The following PLCD1 variants were observed in gnomAD, a reference collection of about 807,000 sequenced individuals.
PLCD1 encodes the protein phospholipase C delta 1, also known as 1-phosphatidylinositol 4,5-bisphosphate phosphodiesterase delta-1.
PLCD1 carries 71 observed loss-of-function variants against 87.4 expected under a neutral mutation model. That is an observed-to-expected ratio of 0.81 (90% CI 0.67 to 0.99). The LOEUF (loss-of-function observed/expected upper bound fraction) is 0.99, where lower values mean the gene tolerates loss of function less well. Ranked by LOEUF, PLCD1 falls within the 50% of genes least tolerant of loss-of-function variation. PLCD1 has a pLI of 0.00. For synonymous variants in PLCD1, 348 were observed against 399.2 expected (o/e 0.87, Z 1.53); for missense variants, 867 against 1,001.5 (o/e 0.87, Z 1.81).
intron 1 of PLCD1, chr3:38,024,796 C>A (rs915998454): frequency 1.6e-6 from 2 of 1,229,480 alleles, no homozygotes; most frequent in Admixed American, 5.4e-5. Flanking sequence ...AAAATCTGGG[C>A]TAAGGAGGGC....
rs760631515 is a variant in PLCD1, at chr3:38,008,478, G to A, written c.1882C>T (p.Arg628Trp). ...RALAQGPWWA[R>W]KRLNIRVISG... ...CGTACCCTGATGTTGAGCCGCTTCC[G>A]TGCCCACCAGGGCCCCTGAGCCAGG... The change falls in exon 12 of 15, where the codon CGG becomes TGG. Residue 628 changes from arginine to tryptophan, a missense_variant. Physicochemically the swap from Arg to Trp is moderately radical, Grantham distance 101. Transcript: ENST00000334661. The A allele has an allele frequency of 3.8e-5, 62 of 1,614,188 alleles. No individual in the cohort carries two copies. Among genetic ancestry groups the A allele is most frequent in the East Asian group, 2.2e-4 (10 of 44,890 alleles).
At chr3:38,019,421 T>C (rs1258980097) in intron 2 of PLCD1, among the ~76,000 whole-genome samples, 3 of 152,308 alleles carry the variant, frequency 2.0e-5, no homozygotes, top group South Asian at 2.1e-4. Flanking sequence ...AGTGCAGATA[T>C]AGAACATTTC....
Position 38,008,304 on chromosome 3 carries a change from C to T in PLCD1, c.1966G>A (p.Val656Met), listed in dbSNP as rs1301361537. The change falls in exon 13 of 15, where the codon GTG becomes ATG. Residue 656 changes from valine to methionine, a missense_variant. Transcript: ENST00000334661. ...KNKNSIVDPK[V>M]TVEIHGVSRD... ...CTCACGCCATGGATCTCCACTGTCA[C>T]TTTGGGGTCCACAATTGAATTCTTA... 3 of 1,614,252 alleles carry T rather than the reference C, an allele frequency of 1.9e-6. No individual in the cohort carries two copies. The highest frequency in any genetic ancestry group is 1.3e-5 in the African/African-American group (1 of 75,076).
intron 1 of PLCD1, 88 bp downstream of exon 1, chr3:38,029,418 A>T: frequency 1.6e-6 from 2 of 1,214,226 alleles, no homozygotes; most frequent in Non-Finnish European, 2.3e-6. Flanking sequence ...CGGCCGAAGG[A>T]GCTGGGGGCT....
At chr3:38,014,057 GA>G (rs201592073) in intron 3 of PLCD1, among the ~76,000 whole-genome samples, 1 of 151,698 alleles carries the variant, frequency 6.6e-6, no homozygotes, top group African/African-American at 2.4e-5. Context: ...AGGCACTGTT[GA>G]AAAAAAATGA....
At chr3:38,014,618 CA>C (rs1700128492) in intron 3 of PLCD1, 1 of 153,630 alleles carries the variant, frequency 6.5e-6, no homozygotes, top group African/African-American at 2.4e-5. Context: ...CAAGCAGTTC[CA>C]GATTTCTTTG....
rs774286843 is a variant in PLCD1, at chr3:38,007,963, G to A, written c.2185+51C>T. On this transcript the variant is annotated intron_variant, in intron 14 of 14. Transcript: ENST00000334661. ...GACAGCCAGCCCCAGCCCAAGAGAC[G>A]CCAGGCCCTGCTTCCCACCACCTTG... The A allele has an allele frequency of 2.6e-5, 42 of 1,611,996 alleles. No homozygotes were observed. Among genetic ancestry groups the A allele is most frequent in the South Asian group, 2.1e-4 (19 of 91,058 alleles).
intron 1 of PLCD1, chr3:38,024,337 C>T (rs1262302159): frequency 6.2e-7 from 1 of 1,612,460 alleles, no homozygotes; most frequent in Non-Finnish European, 8.5e-7. Flanking sequence ...CGCCCCTTAC[C>T]CAGCCTCCGT....
rs1291029441 is a variant in PLCD1 at position 38,007,618 on chromosome 3, C to G, written c.*155G>C. Reference sequence around the variant, plus strand: ...CCAGGGACTGGGCTAGCTCCTGGTCCCCAGGGAGGCAGCAGCAGACACTAT... The same window carrying G: ...CCAGGGACTGGGCTAGCTCCTGGTCGCCAGGGAGGCAGCAGCAGACACTAT... On this transcript the variant is annotated 3_prime_UTR_variant, in exon 15 of 15. Transcript: ENST00000334661. The G allele has an allele frequency of 1.8e-5, 13 of 711,964 alleles. 1 individual carries two copies. Among genetic ancestry groups the G allele is most frequent in the Non-Finnish European group, 3.3e-5 (13 of 391,224 alleles). 44.1% of individuals were successfully genotyped at this position (711,964 alleles called of 1,614,324 possible).
intron 3 of PLCD1, among the ~76,000 whole-genome samples, chr3:38,012,243 C>T (rs541217799): frequency 9.9e-5 from 15 of 151,286 alleles, no homozygotes; most frequent in Non-Finnish European, 1.6e-4. Context: ...CTCCTAGGCC[C>T]AAGCAATCCT....
chr3:38,008,380 A>AGAG lies in PLCD1; in HGVS notation c.1903-16_1903-14dup. 1 of 1,614,228 alleles carries AGAG rather than the reference A, an allele frequency of 6.2e-7. No homozygotes were observed. Among genetic ancestry groups the AGAG allele is most frequent in the Non-Finnish European group, 8.5e-7 (1 of 1,180,034 alleles). On this transcript the variant is annotated splice_polypyrimidine_tract_variant and intron_variant, in intron 12 of 14. Transcript: ENST00000334661. The stretch of plus-strand genomic sequence containing the variant: ...GCCCCGAAATGACCTGAGGAAAGGC[A>AGAG]GAGGACAATGGACAGTTCAGGAGTG...
Position 38,016,746 on chromosome 3 carries a change from G to A in PLCD1, c.200-27C>T, listed in dbSNP as rs958980088. 5 of 1,476,852 alleles carry A rather than the reference G, an allele frequency of 3.4e-6. No individual in the cohort carries two copies. The African/African-American group carries it at 7.0e-5, about 21-fold the overall frequency. The allele number at this position is 1,476,852 out of a possible 1,614,324, so 91.5% of individuals were successfully genotyped here. On this transcript the variant is annotated intron_variant, in intron 2 of 14. Transcript: ENST00000334661. ...TGCGAGAGGGGGATGGTGGAGGAGA[G>A]AGGGAGAGAATGCTGTGAGGTCAGT...
At chr3:38,026,329 GCC>G (rs1700308015) in intron 1 of PLCD1, among the ~76,000 whole-genome samples, 2 of 152,210 alleles carry the variant, frequency 1.3e-5, no homozygotes, top group Non-Finnish European at 2.9e-5. Flanking sequence ...GACCAGCCTG[GCC>G]AACATGGAGA....
At chr3:38,028,805 CAGCGAAAGGGCAAAGAGCT>C (rs1237437396) in intron 1 of PLCD1, among the ~76,000 whole-genome samples, 20 of 152,346 alleles carry the variant, frequency 1.3e-4, no homozygotes, top group Admixed American at 5.2e-4. Flanking sequence ...GCTGGAGGGA[CAGCGAAAGGGCAAAGAGCT>C]GGCTCATATT....
At chr3:38,009,532 CAGAG>C (rs1356499382) in intron 9 of PLCD1, 101 bp from the exon 10 acceptor site, 18 of 1,558,754 alleles carry the variant, frequency 1.2e-5, no homozygotes, top group East Asian at 6.8e-5. Flanking sequence ...GGGAGACAGA[CAGAG>C]AGAGCGGGGC....
At position 38,025,305 on chromosome 3, in the gene PLCD1, G is replaced by A. The variant is rs1318912241; in HGVS notation, c.34+4201C>T. On this transcript the variant is annotated intron_variant, in intron 1 of 14. Coordinates refer to ENST00000334661, the MANE Select transcript of PLCD1 (RefSeq NM_006225.4). This position sits in a 1 kb window ranked among gnomAD's most constrained non-coding sequence, Gnocchi z 4.0. Reference sequence around the variant, plus strand: ...AGGAGCCGGAGCGGCGAATTCTAACGCCACCTTTGAGGCTGGCGCAGAACC... The same window carrying A: ...AGGAGCCGGAGCGGCGAATTCTAACACCACCTTTGAGGCTGGCGCAGAACC... Among the ~76,000 whole-genome samples the A allele has an allele frequency of 6.6e-6, 1 of 152,200 alleles. No homozygotes were observed. Among genetic ancestry groups the A allele is most frequent in the Non-Finnish European group, 1.5e-5 (1 of 68,038 alleles).
In PLCD1 at chr3:38,018,285, C is replaced by A. The variant is rs182208264; in HGVS notation, c.200-1566G>T. Among the ~76,000 whole-genome samples the A allele has an allele frequency of 5.9e-5, 9 of 152,120 alleles. No individual in the cohort carries two copies. Among genetic ancestry groups the A allele is most frequent in the Non-Finnish European group, 1.3e-4 (9 of 68,020 alleles). ...AACAAAGCAGGCTCAGCACGAGACCCGTCTCAGGCGTCTGACCAGCAGAAA... is the reference window on the plus strand; with the variant it reads ...AACAAAGCAGGCTCAGCACGAGACCAGTCTCAGGCGTCTGACCAGCAGAAA... On this transcript the variant is annotated intron_variant, in intron 2 of 14. Transcript: ENST00000334661. The surrounding 1 kb of genome is among the most constrained non-coding windows in gnomAD (Gnocchi z 5.7).
intron 11 of PLCD1, 94 bp downstream of exon 11, chr3:38,008,948 C>T (rs752745104): frequency 1.5e-5 from 15 of 1,026,522 alleles, no homozygotes; most frequent in Non-Finnish European, 2.3e-5. Context: ...CTTGGGTCCT[C>T]AGAGCTCCAC....
At chr3:38,019,389 G>A (rs1268858974) in intron 2 of PLCD1, among the ~76,000 whole-genome samples, 1 of 152,204 alleles carries the variant, frequency 6.6e-6, no homozygotes, top group Non-Finnish European at 1.5e-5. Context: ...GCCACAAGTG[G>A]CTAGTGGCTC....
Sources: allele counts gnomAD v4.1 joint callset (sites outside exome capture counted in the v4.1 genomes callset), GRCh38; gene constraint gnomAD v4.1.1; non-coding constraint Gnocchi (gnomAD v3.1); transcripts MANE v1.5; gene names NCBI Gene and HGNC (gene_info 2026-07-23, HGNC 2026-07-21).